The following PTPRR variants were observed in gnomAD, a reference collection of about 807,000 sequenced individuals.
PTPRR encodes the protein receptor-type tyrosine-protein phosphatase R.
Under a neutral mutation model 77.2 loss-of-function variants are expected in PTPRR, and 38 were observed. The observed-to-expected ratio is 0.49, with a 90% confidence interval of 0.38 to 0.65. The LOEUF (loss-of-function observed/expected upper bound fraction) is 0.65, where lower values mean the gene tolerates loss of function less well. Ranked by LOEUF, PTPRR falls within the 30% of genes least tolerant of loss-of-function variation. PTPRR has a pLI of 0.00. For missense variants in PTPRR, 744 were observed against 799.2 expected (o/e 0.93, Z 0.83); for synonymous variants, 299 against 283.1 (o/e 1.06, Z -0.57).
chr12:70,741,347 C>A (rs1196930907), intron 6 of PTPRR, among the ~76,000 whole-genome samples: 2 of 152,144 alleles, frequency 1.3e-5, no homozygotes, highest in African/African-American at 4.8e-5. Context: ...GGTTATGGAA[C>A]TAAAGCAGCG....
At chr12:70,672,133 G>A (rs1253864283) in intron 10 of PTPRR, 2 of 1,412,968 alleles carry the variant, frequency 1.4e-6, no homozygotes, top group African/African-American at 2.8e-5. Context: ...TCCTAGAGCA[G>A]GGAGAGGCCA....
intron 10 of PTPRR, among the ~76,000 whole-genome samples, chr12:70,669,370 G>C (rs1887125900): frequency 6.6e-6 from 1 of 151,732 alleles, no homozygotes; most frequent in Non-Finnish European, 1.5e-5. Context: ...ACTCCCATTC[G>C]ATGAGAAACT....
intron 1 of PTPRR, among the ~76,000 whole-genome samples, chr12:70,919,034 A>T (rs1893814664): frequency 6.6e-6 from 1 of 152,240 alleles, no homozygotes; most frequent in African/African-American, 2.4e-5. Context: ...TGTATTTAAT[A>T]ATAGCTTTAA....
chr12:70,649,363 T>G (rs887027398), intron 13 of PTPRR, among the ~76,000 whole-genome samples: 2 of 152,154 alleles, frequency 1.3e-5, no homozygotes, highest in Admixed American at 1.3e-4. Flanking sequence ...CAGCTACAAG[T>G]GGAGAGGGGT....
intron 2 of PTPRR, among the ~76,000 whole-genome samples, chr12:70,881,891 G>A (rs542439070): frequency 1.1e-4 from 16 of 152,264 alleles, no homozygotes; most frequent in South Asian, 4.2e-4. Context: ...TAAGATAAGC[G>A]TAAGGAAAGG....
chr12:70,808,683 C>G (rs1891754931), intron 2 of PTPRR, among the ~76,000 whole-genome samples: 1 of 152,164 alleles, frequency 6.6e-6, no homozygotes, highest in East Asian at 1.9e-4. Context: ...CTCAAAATCT[C>G]TTTATAAATT....
chr12:70,694,791 C>G (rs1513108), intron 8 of PTPRR, among the ~76,000 whole-genome samples: 10,355 of 152,004 alleles, frequency 0.068, 565 homozygotes, highest in East Asian at 0.16. Flanking sequence ...TGCACAGGTA[C>G]CCCCTGAATC....
intron 1 of PTPRR, among the ~76,000 whole-genome samples, chr12:70,911,790 C>T (rs1244510251): frequency 6.9e-6 from 1 of 145,134 alleles, no homozygotes; most frequent in Non-Finnish European, 1.5e-5. Flanking sequence ...CAGAATGTAT[C>T]TAGGTGTGTA....
At chr12:70,665,272 A>G (rs1886943738) in intron 10 of PTPRR, among the ~76,000 whole-genome samples, 1 of 151,858 alleles carries the variant, frequency 6.6e-6, no homozygotes, top group East Asian at 1.9e-4. Context: ...GTTATTATCA[A>G]ACTCTGACTG....
chr12:70,803,129 G>A (rs546378482), intron 2 of PTPRR, among the ~76,000 whole-genome samples: 24 of 152,206 alleles, frequency 1.6e-4, no homozygotes, highest in Non-Finnish European at 3.1e-4. Context: ...CAGGGTATGT[G>A]AAGATTTTGT....
chr12:70,660,522 A>G (rs1886759147), intron 12 of PTPRR, among the ~76,000 whole-genome samples: 1 of 152,350 alleles, frequency 6.6e-6, no homozygotes, highest in South Asian at 2.1e-4. Flanking sequence ...TAATGTTACC[A>G]AGATACAAGC....
chr12:70,683,363 G>A (rs1181899895), intron 10 of PTPRR, among the ~76,000 whole-genome samples: 1 of 152,132 alleles, frequency 6.6e-6, no homozygotes, highest in Non-Finnish European at 1.5e-5. Flanking sequence ...TTTTTATAAT[G>A]CAAAATACAG....
intron 2 of PTPRR, among the ~76,000 whole-genome samples, chr12:70,857,305 A>G (rs1892670050): frequency 6.6e-6 from 1 of 152,172 alleles, no homozygotes; most frequent in African/African-American, 2.4e-5. Flanking sequence ...TGAAGAAGGG[A>G]GGAGTCAACA....
intron 2 of PTPRR, among the ~76,000 whole-genome samples, chr12:70,805,166 T>G (rs952498458): frequency 1.6e-4 from 25 of 152,116 alleles, no homozygotes; most frequent in Non-Finnish European, 2.8e-4. Flanking sequence ...TATAAATATT[T>G]TAAAACATTT....
chr12:70,919,729 C>T (rs1358701201), intron 1 of PTPRR, among the ~76,000 whole-genome samples: 3 of 141,508 alleles, frequency 2.1e-5, no homozygotes, highest in African/African-American at 7.9e-5. Flanking sequence ...ACGCTAGCCA[C>T]GGTGCTGAAA....
At chr12:70,865,637 T>C (rs1437370260) in intron 2 of PTPRR, among the ~76,000 whole-genome samples, 5 of 152,330 alleles carry the variant, frequency 3.3e-5, no homozygotes, top group African/African-American at 9.6e-5. Flanking sequence ...TCTGAACCCA[T>C]GTGGATTAAC....
intron 2 of PTPRR, among the ~76,000 whole-genome samples, chr12:70,796,611 C>T (rs1423453699): frequency 6.6e-6 from 1 of 152,066 alleles, no homozygotes; most frequent in Non-Finnish European, 1.5e-5. Flanking sequence ...ACATCTCTTC[C>T]ATTGAGAATT....
chr12:70,701,417 CT>C, intron 6 of PTPRR, 94 bp from the exon 7 acceptor site: 1 of 1,104,176 alleles, frequency 9.1e-7, no homozygotes, highest in Non-Finnish European at 1.3e-6. Context: ...TCAGTGAGAA[CT>C]TTTACAGAAA....
chr12:70,868,074 C>T (rs973757819), intron 2 of PTPRR, among the ~76,000 whole-genome samples: 3 of 151,994 alleles, frequency 2.0e-5, no homozygotes, highest in Non-Finnish European at 2.9e-5. Flanking sequence ...GACCTAAAAC[C>T]ATAAAAACCC....
Sources: allele counts gnomAD v4.1 joint callset (sites outside exome capture counted in the v4.1 genomes callset), GRCh38; gene constraint gnomAD v4.1.1; transcripts MANE v1.5; gene names NCBI Gene and HGNC (gene_info 2026-07-23, HGNC 2026-07-21).